CCSER1: variants seen among roughly 807,000 people sequenced by gnomAD.
CCSER1 encodes coiled-coil serine rich protein 1, also known as serine-rich coiled-coil domain-containing protein 1.
A neutral mutation model predicts 82.0 loss-of-function variants in CCSER1; 41 were observed. The ratio of observed to expected loss-of-function variants is 0.50; its 90% CI spans 0.39 to 0.65. CCSER1 has a LOEUF of 0.65. Among genes scored for constraint, CCSER1 ranks in the 30% least tolerant of loss-of-function variants. The probability of loss-of-function intolerance (pLI) is 0.00; values close to 1 mark genes in which losing one functional copy is unlikely to be tolerated. For missense variants in CCSER1, 1,119 were observed against 1,064.2 expected (o/e 1.05, Z -0.72); for synonymous variants, 414 against 383.9 (o/e 1.08, Z -0.92).
chr4:91,542,789 G>A (rs1227389921), intron 10 of CCSER1, among the ~76,000 whole-genome samples: 1 of 152,190 alleles, frequency 6.6e-6, no homozygotes, highest in Non-Finnish European at 1.5e-5. Context: ...TTGATTTGGG[G>A]TGGAGAGTTC....
intron 5 of CCSER1, among the ~76,000 whole-genome samples, chr4:90,581,959 T>C (rs1329553816): frequency 6.6e-6 from 1 of 152,092 alleles, no homozygotes; most frequent in Non-Finnish European, 1.5e-5. Flanking sequence ...GCAGGATAGA[T>C]ATTATCAAAG....
intron 1 of CCSER1, among the ~76,000 whole-genome samples, chr4:90,294,797 G>C (rs1731555589): frequency 6.6e-6 from 1 of 151,712 alleles, no homozygotes; most frequent in Non-Finnish European, 1.5e-5. Flanking sequence ...CAATTCAAAG[G>C]CCCTCTTTAA....
At position 91,465,899 on chromosome 4, in the gene CCSER1, T is replaced by C. The variant is rs528650861; in HGVS notation, c.2218-132673T>C. 2.0e-5 allele frequency among the ~76,000 whole-genome samples: 3 copies of C among 152,262 alleles called. No homozygotes were observed. The South Asian group carries it at 6.2e-4, about 32-fold the overall frequency. On this transcript the variant is annotated intron_variant, in intron 10 of 10. Coordinates refer to ENST00000509176, the MANE Select transcript of CCSER1 (RefSeq NM_001145065.2). ...CAAAAAAAGTCCAGGACCAGATGGA[T>C]TCACAGCCGAATTCTACCAGAGGTA...
chr4:91,565,597 A>G (rs1762852042), intron 10 of CCSER1, among the ~76,000 whole-genome samples: 1 of 151,288 alleles, frequency 6.6e-6, no homozygotes, highest in Admixed American at 6.6e-5. Flanking sequence ...TTATTATTTC[A>G]TTGTAGAGAT....
intron 10 of CCSER1, among the ~76,000 whole-genome samples, chr4:91,403,729 A>C (rs1284316673): frequency 6.6e-6 from 1 of 152,212 alleles, no homozygotes; most frequent in Non-Finnish European, 1.5e-5. Flanking sequence ...CCAGCCTTGC[A>C]TATCAGGGAA....
At chr4:90,365,423 C>T (rs1056904632) in intron 3 of CCSER1, among the ~76,000 whole-genome samples, 4 of 151,594 alleles carry the variant, frequency 2.6e-5, no homozygotes, top group African/African-American at 9.7e-5. Context: ...CCTTCTATTT[C>T]CTTCTCAATT....
At chr4:91,350,764 T>A (rs1016759183) in intron 10 of CCSER1, among the ~76,000 whole-genome samples, 2 of 151,974 alleles carry the variant, frequency 1.3e-5, no homozygotes, top group African/African-American at 4.8e-5. Context: ...TTTGGCAAAT[T>A]CTAGACTTAA....
chr4:91,296,626 T>C (rs1325646470), intron 10 of CCSER1, among the ~76,000 whole-genome samples: 3 of 149,228 alleles, frequency 2.0e-5, no homozygotes, highest in Non-Finnish European at 4.5e-5. Flanking sequence ...TATATATAGT[T>C]GTGTGTATAT....
intron 5 of CCSER1, among the ~76,000 whole-genome samples, chr4:90,478,731 C>CTTTTT (rs59376887): frequency 5.3e-5 from 7 of 133,224 alleles, no homozygotes; most frequent in Admixed American, 7.8e-5. Context: ...TTCTTTCTTT[C>CTTTTT]TTTTTTTTTT....
chr4:90,350,215 A>G (rs549153869), intron 3 of CCSER1, among the ~76,000 whole-genome samples: 19 of 152,254 alleles, frequency 1.2e-4, no homozygotes, highest in African/African-American at 3.8e-4. Flanking sequence ...AGAGAAGACG[A>G]ATATGAACTG....
intron 9 of CCSER1, among the ~76,000 whole-genome samples, chr4:90,984,224 A>C (rs1363873342): frequency 6.6e-6 from 1 of 151,852 alleles, no homozygotes; most frequent in East Asian, 1.9e-4. Context: ...TTGTTGAGAA[A>C]GTGCAATGTA....
intron 9 of CCSER1, among the ~76,000 whole-genome samples, chr4:90,949,155 T>G (rs1043403679): frequency 6.6e-6 from 1 of 152,108 alleles, no homozygotes; most frequent in African/African-American, 2.4e-5. Context: ...TACTTGGTGC[T>G]TTTTGATATG....
chr4:90,921,864 C>T (rs1324099576), intron 8 of CCSER1, among the ~76,000 whole-genome samples: 2 of 152,002 alleles, frequency 1.3e-5, no homozygotes, highest in African/African-American at 4.8e-5. Context: ...TGTAAATAAC[C>T]TTTCAATGAT....
chr4:91,245,688 T>C (rs1277685274), intron 10 of CCSER1, among the ~76,000 whole-genome samples: 1 of 151,906 alleles, frequency 6.6e-6, no homozygotes, highest in African/African-American at 2.4e-5. Flanking sequence ...TACACGTGTA[T>C]ATATATATAT....
At chr4:90,251,932 T>C (rs1447852441) in intron 1 of CCSER1, among the ~76,000 whole-genome samples, 5 of 151,938 alleles carry the variant, frequency 3.3e-5, no homozygotes, top group African/African-American at 1.2e-4. Context: ...GTATTGTTTT[T>C]CTATGTTTTA....
intron 10 of CCSER1, among the ~76,000 whole-genome samples, chr4:91,246,041 A>T (rs935458193): frequency 2.6e-5 from 4 of 152,180 alleles, no homozygotes. Context: ...GAAGGTACAA[A>T]ACTAATTGGT....
At chr4:90,180,188 A>G (rs1012860104) in intron 1 of CCSER1, among the ~76,000 whole-genome samples, 5 of 151,376 alleles carry the variant, frequency 3.3e-5, no homozygotes, top group Admixed American at 6.6e-5. Context: ...ACGATAACTA[A>G]AGATAATTTT....
chr4:91,143,991 C>T (rs371755425), intron 10 of CCSER1, among the ~76,000 whole-genome samples: 13 of 151,968 alleles, frequency 8.6e-5, no homozygotes, highest in South Asian at 8.3e-4. Flanking sequence ...TAACTTTGTA[C>T]AATGTGTTAG....
intron 3 of CCSER1, among the ~76,000 whole-genome samples, chr4:90,324,834 A>C: frequency 6.6e-6 from 1 of 152,060 alleles, no homozygotes; most frequent in Non-Finnish European, 1.5e-5. Flanking sequence ...ATCCATCTTG[A>C]CTTAATTTTT....
Sources: allele counts gnomAD v4.1 joint callset (sites outside exome capture counted in the v4.1 genomes callset), GRCh38; gene constraint gnomAD v4.1.1; transcripts MANE v1.5; gene names NCBI Gene and HGNC (gene_info 2026-07-23, HGNC 2026-07-21).